CDH12: variants seen among roughly 807,000 people sequenced by gnomAD.
CDH12 encodes the protein cadherin 12, also known as cadherin-12.
A neutral mutation model predicts 74.1 loss-of-function variants in CDH12; 41 were observed. The observed-to-expected ratio is 0.55, with a 90% CI of 0.43 to 0.72. The LOEUF (loss-of-function observed/expected upper bound fraction) is 0.72, where lower values mean the gene tolerates loss of function less well. Ranked by LOEUF, CDH12 falls within the 30% of genes least tolerant of loss-of-function variation. CDH12 has a pLI of 0.00. For synonymous variants in CDH12, 399 were observed against 355.0 expected (o/e 1.12, Z -1.39); for missense variants, 945 against 977.2 (o/e 0.97, Z 0.44).
At chr5:22,102,741 G>T (rs1744215816) in intron 4 of CDH12, among the ~76,000 whole-genome samples, 1 of 151,988 alleles carries the variant, frequency 6.6e-6, no homozygotes, top group Admixed American at 6.6e-5. Flanking sequence ...AACAGTGTTG[G>T]GGGGAGGGGC....
intron 1 of CDH12, among the ~76,000 whole-genome samples, chr5:22,782,926 C>CT (rs1162135358): frequency 2.6e-5 from 4 of 152,126 alleles, no homozygotes; most frequent in African/African-American, 9.7e-5. Context: ...CTTCTAAATA[C>CT]TTCCTGCTAG....
chr5:21,949,750 AG>A (rs1294933636), intron 6 of CDH12, among the ~76,000 whole-genome samples: 1 of 152,224 alleles, frequency 6.6e-6, no homozygotes, highest in African/African-American at 2.4e-5. Context: ...TAAGGATATA[AG>A]GAAATAAAGT....
chr5:21,975,302 A>G lies in CDH12; in HGVS notation c.315T>C (p.Asp105=), dbSNP rs1468249928. 6.3e-7 allele frequency: 1 copy of G among 1,597,182 alleles called. No homozygotes were observed. Among genetic ancestry groups the G allele is most frequent in the Admixed American group, 1.7e-5 (1 of 59,974 alleles). The change falls in exon 6 of 15, where the codon GAT becomes GAC. Residue 105 remains aspartate, a synonymous_variant. Transcript: ENST00000382254. The stretch of plus-strand genomic sequence containing the variant: ...TTGCATGAATGTCCCCTGTGGTTTC[A>G]TCAATGGTAAAAACGGTGCCAGCGC... ...GDGAGTVFTI[D]ETTGDIHAIR... is the part of the protein sequence containing the mutation.
intron 3 of CDH12, among the ~76,000 whole-genome samples, chr5:22,357,153 T>C (rs1740598580): frequency 6.6e-6 from 1 of 152,142 alleles, no homozygotes; most frequent in Non-Finnish European, 1.5e-5. Flanking sequence ...AATACTTGTT[T>C]CTGACAAGGC....
chr5:21,812,546 G>C (rs1321339032), intron 9 of CDH12, among the ~76,000 whole-genome samples: 2 of 152,022 alleles, frequency 1.3e-5, no homozygotes, highest in African/African-American at 4.8e-5. Context: ...CTATTTTACA[G>C]TCTTTACCCA....
At chr5:22,437,357 T>A (rs1744439450) in intron 2 of CDH12, among the ~76,000 whole-genome samples, 1 of 151,788 alleles carries the variant, frequency 6.6e-6, no homozygotes, top group South Asian at 2.1e-4. Flanking sequence ...AAAACAGACT[T>A]TTTCAGTCTA....
At chr5:22,677,869 T>G (rs2126924137) in intron 1 of CDH12, among the ~76,000 whole-genome samples, 1 of 152,160 alleles carries the variant, frequency 6.6e-6, no homozygotes, top group Middle Eastern at 3.4e-3. Context: ...GCCAACGTGG[T>G]TAGGTTCTAG....
chr5:22,237,709 G>C (rs1752606846), intron 3 of CDH12, among the ~76,000 whole-genome samples: 1 of 152,088 alleles, frequency 6.6e-6, no homozygotes, highest in Non-Finnish European at 1.5e-5. Context: ...ATTTAAGAGA[G>C]AAACAACTTA....
intron 5 of CDH12, among the ~76,000 whole-genome samples, chr5:21,994,918 T>A (rs116386140): frequency 6.6e-6 from 1 of 152,188 alleles, no homozygotes; most frequent in Non-Finnish European, 1.5e-5. Context: ...GCTGGCCACC[T>A]GAGCCAGCAA....
In CDH12 at chr5:22,303,442, T is replaced by C. The variant is rs187803869; in HGVS notation, c.-332-90799A>G. ...AATGCAACAATTTGCTTTAAAACTT[T>C]GAAAATTATAATACACAAGCTGCCA... On this transcript the variant is annotated intron_variant, in intron 3 of 14. Coordinates refer to ENST00000382254, the MANE Select transcript of CDH12 (RefSeq NM_004061.5). Among the ~76,000 whole-genome samples the C allele has an allele frequency of 2.4e-3, 371 of 152,226 alleles. 3 individuals are homozygous for C. Among genetic ancestry groups the C allele is most frequent in the African/African-American group, 8.8e-3 (365 of 41,558 alleles).
chr5:22,752,836 AGTGCT>A (rs1434959760), intron 1 of CDH12, among the ~76,000 whole-genome samples: 2 of 151,514 alleles, frequency 1.3e-5, no homozygotes, highest in Non-Finnish European at 2.9e-5. Flanking sequence ...GGCCTCCCAA[AGTGCT>A]GGGATTACAG....
At chr5:21,809,674 A>G (rs1009409447) in intron 9 of CDH12, among the ~76,000 whole-genome samples, 1 of 152,316 alleles carries the variant, frequency 6.6e-6, no homozygotes, top group African/African-American at 2.4e-5. Flanking sequence ...ATGCAGCAGA[A>G]GTGAAAACAG....
chr5:22,055,514 T>G (rs2150198820), intron 5 of CDH12, among the ~76,000 whole-genome samples: 1 of 152,308 alleles, frequency 6.6e-6, no homozygotes, highest in African/African-American at 2.4e-5. Flanking sequence ...ATCTTATTTG[T>G]TCTTCTGAAC....
chr5:22,070,750 T>C (rs1741885482), intron 5 of CDH12, among the ~76,000 whole-genome samples: 1 of 152,214 alleles, frequency 6.6e-6, no homozygotes, highest in South Asian at 2.1e-4. Context: ...ATGTCAATGG[T>C]AGTTTGATGA....
chr5:22,537,938 G>C (rs1737929698), intron 1 of CDH12, among the ~76,000 whole-genome samples: 1 of 152,094 alleles, frequency 6.6e-6, no homozygotes, highest in South Asian at 2.1e-4. Flanking sequence ...TTCCAACCTG[G>C]GCACTGCTGA....
chr5:21,830,260 C>A (rs1045957767), intron 8 of CDH12, among the ~76,000 whole-genome samples: 1 of 141,512 alleles, frequency 7.1e-6, no homozygotes, highest in East Asian at 2.3e-4. Flanking sequence ...CACTTCTCTG[C>A]TTCTCTTTTG....
intron 3 of CDH12, among the ~76,000 whole-genome samples, chr5:22,285,350 T>C (rs1262417834): frequency 6.6e-6 from 1 of 152,144 alleles, no homozygotes; most frequent in African/African-American, 2.4e-5. Context: ...TTGCTCTTAG[T>C]TCCCAGCTAA....
chr5:22,665,118 C>A (rs1740547013), intron 1 of CDH12, among the ~76,000 whole-genome samples: 1 of 152,028 alleles, frequency 6.6e-6, no homozygotes, highest in Non-Finnish European at 1.5e-5. Flanking sequence ...ATGTGCTCAG[C>A]AGAACAGTGT....
At chr5:22,327,169 C>G (rs1454299924) in intron 3 of CDH12, among the ~76,000 whole-genome samples, 1 of 152,082 alleles carries the variant, frequency 6.6e-6, no homozygotes, top group East Asian at 1.9e-4. Flanking sequence ...ATTGGTGTCA[C>G]ACAAGGTCAG....
Sources: allele counts gnomAD v4.1 joint callset (sites outside exome capture counted in the v4.1 genomes callset), GRCh38; gene constraint gnomAD v4.1.1; transcripts MANE v1.5; gene names NCBI Gene and HGNC (gene_info 2026-07-23, HGNC 2026-07-21).